STK3: variants seen among roughly 807,000 people sequenced by gnomAD.
STK3 encodes the protein serine/threonine kinase 3.
STK3 carries 41 observed loss-of-function variants against 58.0 expected under a neutral mutation model. The observed-to-expected ratio is 0.71, with a 90% CI of 0.55 to 0.92. STK3 has a LOEUF of 0.92. Ranked by LOEUF, STK3 falls within the 40% of genes least tolerant of loss-of-function variation. The pLI, the probability that STK3 is intolerant of heterozygous loss-of-function variation, is 0.00. For synonymous variants in STK3, 170 were observed against 191.0 expected, an observed-to-expected ratio of 0.89 and a Z score of 0.91; for missense variants, 479 against 602.7, an observed-to-expected ratio of 0.79 and a Z score of 2.15.
intron 10 of STK3, among the ~76,000 whole-genome samples, chr8:98,521,258 C>T (rs1825338925): frequency 6.6e-6 from 1 of 152,078 alleles, no homozygotes. Flanking sequence ...AAATTGGATC[C>T]AGTCATATGA....
chr8:98,380,082 G>C (rs762026751), intron 1 of STK3, among the ~76,000 whole-genome samples: 7 of 152,132 alleles, frequency 4.6e-5, no homozygotes, highest in Non-Finnish European at 8.8e-5. Context: ...CACTTTATGA[G>C]GTATCTAAAA....
At chr8:98,619,450 C>A (rs371418129) in intron 6 of STK3, among the ~76,000 whole-genome samples, 8 of 147,412 alleles carry the variant, frequency 5.4e-5, no homozygotes, top group Admixed American at 1.4e-4. Context: ...GCAACAAAAG[C>A]CAAAATTGAC....
chr8:98,740,336 G>C (rs1418315187), intron 4 of STK3, among the ~76,000 whole-genome samples: 2 of 152,140 alleles, frequency 1.3e-5, no homozygotes, highest in Non-Finnish European at 2.9e-5. Flanking sequence ...GTTAAGGGCA[G>C]CCAGAGAGAA....
chr8:98,426,611 G>A (rs1458322582), intron 3 of STK3, among the ~76,000 whole-genome samples: 1 of 152,266 alleles, frequency 6.6e-6, no homozygotes, highest in Non-Finnish European at 1.5e-5. Flanking sequence ...CGGGCTTCGG[G>A]AAACTTTTCT....
chr8:98,833,360 C>A (rs1835612435), intron 3 of STK3, among the ~76,000 whole-genome samples: 2 of 152,046 alleles, frequency 1.3e-5, no homozygotes, highest in South Asian at 4.2e-4. Flanking sequence ...AGCCAAGGTT[C>A]ATGTTATGTA....
chr8:98,808,656 A>G (rs910058091), intron 1 of STK3, among the ~76,000 whole-genome samples: 8 of 152,242 alleles, frequency 5.3e-5, no homozygotes, highest in Admixed American at 4.6e-4. Flanking sequence ...CATTTCCCAA[A>G]CTTTTTCATC....
intron 6 of STK3, among the ~76,000 whole-genome samples, chr8:98,685,682 C>T (rs1212935139): frequency 6.6e-6 from 1 of 151,896 alleles, no homozygotes; most frequent in Non-Finnish European, 1.5e-5. Context: ...CCCATTTCTC[C>T]CACTCCTCTG....
At chr8:98,764,411 AAAATATAT>A in intron 3 of STK3, among the ~76,000 whole-genome samples, 1 of 152,330 alleles carries the variant, frequency 6.6e-6, no homozygotes, top group East Asian at 1.9e-4. Context: ...CTAATAAAGA[AAAATATAT>A]GGTTCCTTTC....
At chr8:98,395,648 A>G (rs1251252592) in intron 3 of STK3, among the ~76,000 whole-genome samples, 1 of 152,224 alleles carries the variant, frequency 6.6e-6, no homozygotes, top group African/African-American at 2.4e-5. Context: ...TATAGAACAG[A>G]TAACTTTTTT....
At chr8:98,908,615 G>A (rs867823836) in intron 1 of STK3, among the ~76,000 whole-genome samples, 21 of 152,240 alleles carry the variant, frequency 1.4e-4, no homozygotes, top group Non-Finnish European at 1.5e-4. Flanking sequence ...GGAGGCCGGG[G>A]CGGGCGGATC....
chr8:98,673,400 TAA>T (rs1042097253), intron 6 of STK3, among the ~76,000 whole-genome samples: 6 of 152,232 alleles, frequency 3.9e-5, no homozygotes, highest in Non-Finnish European at 7.4e-5. Context: ...GAGAATCAAA[TAA>T]GTTAGTATAC....
chr8:98,858,351 G>GAGAGAGAGAGAC, intron 3 of STK3, among the ~76,000 whole-genome samples: 1 of 137,342 alleles, frequency 7.3e-6, no homozygotes, highest in Non-Finnish European at 1.6e-5. Flanking sequence ...GAGAGAGAGA[G>GAGAGAGAGAGAC]AGAGAGAGAC....
chr8:98,762,634 T>C (rs1292336009), intron 3 of STK3, among the ~76,000 whole-genome samples: 1 of 152,228 alleles, frequency 6.6e-6, no homozygotes, highest in African/African-American at 2.4e-5. Flanking sequence ...TACATACTAG[T>C]TGAACAGGTA....
At chr8:98,366,721 C>G (rs1443870057), downstream of STK3, among the ~76,000 whole-genome samples, 1 of 152,046 alleles carries the variant, frequency 6.6e-6, no homozygotes, top group Non-Finnish European at 1.5e-5. Context: ...GCTCCACCCA[C>G]CCCCACCTGG....
At chr8:98,820,157 T>C (rs1362401219) in intron 1 of STK3, among the ~76,000 whole-genome samples, 1 of 152,200 alleles carries the variant, frequency 6.6e-6, no homozygotes, top group Non-Finnish European at 1.5e-5. Flanking sequence ...ATTAGTGTTT[T>C]CTAGCTTTCC....
At chr8:98,378,837 C>T (rs79159582) in intron 2 of STK3, among the ~76,000 whole-genome samples, 4,739 of 152,280 alleles carry the variant, frequency 0.031, 342 homozygotes, top group East Asian at 0.16. Context: ...GCCCCTCCCT[C>T]ATCATGAAGC....
intron 4 of STK3, among the ~76,000 whole-genome samples, chr8:98,714,594 T>C (rs199633789): frequency 3.3e-5 from 5 of 152,150 alleles, no homozygotes; most frequent in Admixed American, 1.3e-4. Context: ...AGGACCTCTT[T>C]AAGGAGAACT....
At chr8:98,678,407 T>C (rs1823381237) in intron 6 of STK3, among the ~76,000 whole-genome samples, 1 of 152,040 alleles carries the variant, frequency 6.6e-6, no homozygotes, top group Non-Finnish European at 1.5e-5. Context: ...TGATATTTAA[T>C]AAATAATTTA....
chr8:98,814,350 A>ATT (rs34675136), intron 1 of STK3, among the ~76,000 whole-genome samples: 66 of 134,910 alleles, frequency 4.9e-4, no homozygotes, highest in African/African-American at 9.4e-4. Flanking sequence ...CGCGCCCAGC[A>ATT]TTTTTTTTTT....
Sources: allele counts gnomAD v4.1 joint callset (sites outside exome capture counted in the v4.1 genomes callset), GRCh38; gene constraint gnomAD v4.1.1; transcripts MANE v1.5; gene names NCBI Gene and HGNC (gene_info 2026-07-23, HGNC 2026-07-21).